The following COL9A1 variants were observed in gnomAD, a reference collection of about 807,000 sequenced individuals.
COL9A1 encodes the protein collagen type IX alpha 1 chain.
Under a neutral mutation model 142.6 loss-of-function variants are expected in COL9A1, and 104 were observed. The ratio of observed to expected loss-of-function variants is 0.73; its 90% CI spans 0.62 to 0.86. The LOEUF is 0.86. COL9A1 is among the 40% of genes least tolerant of loss of function. The pLI is 0.00. For synonymous variants in COL9A1, 466 were observed against 396.0 expected, an observed-to-expected ratio of 1.18 and a Z score of -2.10; for missense variants, 1,210 against 1,176.6, an observed-to-expected ratio of 1.03 and a Z score of -0.42.
At chr6:70,279,991 A>G (rs780133499) in intron 10 of COL9A1, 1 of 697,632 alleles carries the variant, frequency 1.4e-6, no homozygotes, top group Non-Finnish European at 2.7e-6. Context: ...TTCATATTCC[A>G]GGGACAAAAT....
intron 17 of COL9A1, among the ~76,000 whole-genome samples, chr6:70,268,014 C>G (rs1325422678): frequency 6.6e-6 from 1 of 152,052 alleles, no homozygotes; most frequent in Non-Finnish European, 1.5e-5. Flanking sequence ...TATTTATCCC[C>G]AGAATTTGGT....
chr6:70,248,398 T>C (rs750367657), intron 28 of COL9A1, among the ~76,000 whole-genome samples: 21 of 152,310 alleles, frequency 1.4e-4, no homozygotes, highest in Non-Finnish European at 2.5e-4. Context: ...CTAGGACACA[T>C]TAGAAATGTG....
chr6:70,221,025 C>A (rs1054450961), intron 37 of COL9A1, among the ~76,000 whole-genome samples: 4 of 151,892 alleles, frequency 2.6e-5, no homozygotes, highest in Non-Finnish European at 5.9e-5. Context: ...AACATTACTA[C>A]ATATCCCATA....
At chr6:70,295,155 A>G (rs1773803026) in intron 4 of COL9A1, among the ~76,000 whole-genome samples, 1 of 152,062 alleles carries the variant, frequency 6.6e-6, no homozygotes, top group Admixed American at 6.6e-5. Context: ...GCTTCTTCAC[A>G]CTGAGGATGT....
intron 10 of COL9A1, among the ~76,000 whole-genome samples, chr6:70,276,784 C>A (rs1306292026): frequency 6.6e-6 from 1 of 152,152 alleles, no homozygotes; most frequent in African/African-American, 2.4e-5. Context: ...ACACTTGTTC[C>A]TCCACAACAT....
intron 19 of COL9A1, among the ~76,000 whole-genome samples, chr6:70,261,793 A>C (rs774919893): frequency 3.9e-4 from 59 of 152,258 alleles, no homozygotes; most frequent in Non-Finnish European, 6.0e-4. Context: ...TATTTGGGTC[A>C]ATAGCAATGA....
intron 28 of COL9A1, among the ~76,000 whole-genome samples, chr6:70,249,174 C>T (rs1056770523): frequency 1.3e-5 from 2 of 151,890 alleles, no homozygotes; most frequent in African/African-American, 4.8e-5. Context: ...CGTGGAAATC[C>T]ACTGAAGATT....
At chr6:70,302,826 A>G in intron 1 of COL9A1, 85 bp downstream of exon 1, 1 of 1,442,902 alleles carries the variant, frequency 6.9e-7, no homozygotes, top group South Asian at 1.1e-5. Flanking sequence ...CTCTCATCTT[A>G]CCACTGCTGC....
intron 28 of COL9A1, among the ~76,000 whole-genome samples, chr6:70,248,651 A>G (rs2127571878): frequency 6.6e-6 from 1 of 152,350 alleles, no homozygotes; most frequent in South Asian, 2.1e-4. Context: ...GACATTTTTC[A>G]GAAAATTTTA....
chr6:70,222,912 G>A (rs1184513128), intron 37 of COL9A1: 1 of 152,024 alleles, frequency 6.6e-6, no homozygotes, highest in Non-Finnish European at 1.5e-5. Flanking sequence ...GTTTCATCAG[G>A]CCTTAAAGTC....
chr6:70,274,892 A>T (rs760106845), intron 10 of COL9A1, 120 bp from the exon 11 acceptor site: 110 of 761,484 alleles, frequency 1.4e-4, no homozygotes, highest in Non-Finnish European at 2.2e-4. Flanking sequence ...TATGATGCAA[A>T]TATTTATAAA....
At chr6:70,241,353 C>G in intron 31 of COL9A1, 66 bp downstream of exon 31, 1 of 1,294,664 alleles carries the variant, frequency 7.7e-7, no homozygotes, top group Non-Finnish European at 1.1e-6. Context: ...CCAGCCATTC[C>G]CCCTTGCTTG....
chr6:70,283,047 G>A lies in COL9A1; in HGVS notation c.781-129C>T, dbSNP rs544690816. 10 of 1,582,430 alleles carry A rather than the reference G, an allele frequency of 6.3e-6. No homozygotes were observed. In the African/African-American group the frequency reaches 1.2e-4, roughly 19 times the overall value. ...GGGCCCCGCGGTCCCGCGCAGTCCAGGCCATGCCCGCCGCCCGCCGCTAAT... is the reference window on the plus strand; with the variant it reads ...GGGCCCCGCGGTCCCGCGCAGTCCAAGCCATGCCCGCCGCCCGCCGCTAAT... On this transcript the variant is annotated intron_variant, in intron 6 of 37. Transcript: ENST00000357250.
intron 18 of COL9A1, among the ~76,000 whole-genome samples, chr6:70,264,673 G>T (rs1444742819): frequency 6.6e-6 from 1 of 152,068 alleles, no homozygotes; most frequent in East Asian, 1.9e-4. Flanking sequence ...TAATATATTT[G>T]AATTGTTTCA....
chr6:70,242,640 T>A, intron 29 of COL9A1, 22 bp downstream of exon 29: 1 of 1,611,468 alleles, frequency 6.2e-7, no homozygotes, highest in Non-Finnish European at 8.5e-7. Context: ...AGAAGGCAAA[T>A]AAACGAAACT....
At chr6:70,279,318 A>G (rs1349239670) in intron 10 of COL9A1, among the ~76,000 whole-genome samples, 1 of 152,228 alleles carries the variant, frequency 6.6e-6, no homozygotes, top group Non-Finnish European at 1.5e-5. Context: ...TTACATTAAT[A>G]CAAACGCTTG....
chr6:70,243,375 T>A (rs1318951079), intron 28 of COL9A1, among the ~76,000 whole-genome samples: 1 of 152,220 alleles, frequency 6.6e-6, no homozygotes, highest in African/African-American at 2.4e-5. Context: ...TGAACCTACT[T>A]CAATTTTTTA....
intron 25 of COL9A1, 21 bp from the exon 26 acceptor site, chr6:70,253,450 TC>T: frequency 6.3e-7 from 1 of 1,587,056 alleles, no homozygotes; most frequent in South Asian, 1.1e-5. Flanking sequence ...ACATACACAA[TC>T]CTAGTTTAAT....
chr6:70,257,758 CA>C (rs1054271149), intron 20 of COL9A1, among the ~76,000 whole-genome samples: 1 of 152,186 alleles, frequency 6.6e-6, no homozygotes, highest in Non-Finnish European at 1.5e-5. Flanking sequence ...AAAACACACA[CA>C]AAAAATTTAT....
Sources: allele counts gnomAD v4.1 joint callset (sites outside exome capture counted in the v4.1 genomes callset), GRCh38; gene constraint gnomAD v4.1.1; transcripts MANE v1.5; gene names NCBI Gene and HGNC (gene_info 2026-07-23, HGNC 2026-07-21).